BACH2: variants seen among roughly 807,000 people sequenced by gnomAD.
BACH2 encodes transcription regulator protein BACH2.
BACH2 carries 5 observed loss-of-function variants against 61.8 expected under a neutral mutation model. That is an observed-to-expected ratio of 0.08 (90% CI 0.04 to 0.17). The LOEUF is 0.17. Ranked by LOEUF, BACH2 falls within the 10% of genes least tolerant of loss-of-function variation. The pLI is 1.00. For missense variants in BACH2, 824 were observed against 1,091.1 expected (o/e 0.76, Z 3.45); for synonymous variants, 446 against 440.1 (o/e 1.01, Z -0.17).
chr6:89,977,833 A>G (rs551132621), intron 6 of BACH2, among the ~76,000 whole-genome samples: 3 of 152,246 alleles, frequency 2.0e-5, no homozygotes, highest in Non-Finnish European at 4.4e-5. Context: ...GCAAAAAGTC[A>G]TCTTGCTAAA....
intron 6 of BACH2, among the ~76,000 whole-genome samples, chr6:89,982,225 C>T (rs896970600): frequency 6.6e-6 from 1 of 152,110 alleles, no homozygotes; most frequent in Non-Finnish European, 1.5e-5. Context: ...GAGTCTAAAA[C>T]AGTGGGCCTG....
intron 5 of BACH2, among the ~76,000 whole-genome samples, chr6:90,056,198 C>T (rs1350078595): frequency 1.3e-5 from 2 of 152,106 alleles, no homozygotes; most frequent in Non-Finnish European, 1.5e-5. Flanking sequence ...AGAGTCAAGA[C>T]CTATCAGTGT....
chr6:89,955,336 G>C (rs1415989934), intron 6 of BACH2, among the ~76,000 whole-genome samples: 2 of 152,202 alleles, frequency 1.3e-5, no homozygotes, highest in Non-Finnish European at 2.9e-5. Context: ...AGTTAACTAA[G>C]TAACAATGTA....
chr6:90,288,279 T>C (rs1312382872), intron 1 of BACH2, among the ~76,000 whole-genome samples: 1 of 152,072 alleles, frequency 6.6e-6, no homozygotes, highest in Non-Finnish European at 1.5e-5. Flanking sequence ...AAGCTCAACA[T>C]TGTTTGCATA....
chr6:89,998,257 G>C (rs1489280719), intron 6 of BACH2, among the ~76,000 whole-genome samples: 1 of 151,924 alleles, frequency 6.6e-6, no homozygotes, highest in Non-Finnish European at 1.5e-5. Context: ...TCAAAAATGT[G>C]CTCACGTTGG....
chr6:90,128,636 T>C (rs1051658331), intron 4 of BACH2, among the ~76,000 whole-genome samples: 3 of 152,190 alleles, frequency 2.0e-5, no homozygotes, highest in African/African-American at 7.2e-5. Flanking sequence ...AGTTCAACCA[T>C]TGTGGAAGTC....
chr6:90,110,282 G>C (rs1163704540), intron 4 of BACH2, among the ~76,000 whole-genome samples: 1 of 152,182 alleles, frequency 6.6e-6, no homozygotes, highest in Non-Finnish European at 1.5e-5. Flanking sequence ...TTTAAATGTG[G>C]AGTCTGAAAT....
At chr6:90,136,803 C>CA (rs1784284968) in intron 4 of BACH2, among the ~76,000 whole-genome samples, 1 of 149,944 alleles carries the variant, frequency 6.7e-6, no homozygotes, top group Non-Finnish European at 1.5e-5. Context: ...CCAGGCCCTA[C>CA]AATAATGAGC....
chr6:90,243,253 T>C (rs997992005), intron 3 of BACH2, among the ~76,000 whole-genome samples: 2 of 151,310 alleles, frequency 1.3e-5, no homozygotes, highest in Non-Finnish European at 3.0e-5. Context: ...GCAAGGATCG[T>C]CTTTAAAAAT....
chr6:90,101,096 T>C (rs931844081), intron 4 of BACH2, among the ~76,000 whole-genome samples: 4 of 152,244 alleles, frequency 2.6e-5, no homozygotes, highest in African/African-American at 9.6e-5. Flanking sequence ...CTGGGTTGTC[T>C]TTTGAGCATT....
chr6:90,109,965 A>G (rs902114159), intron 4 of BACH2, among the ~76,000 whole-genome samples: 1 of 152,262 alleles, frequency 6.6e-6, no homozygotes, highest in Non-Finnish European at 1.5e-5. Context: ...GAAATACAAT[A>G]AAACATTGTA....
chr6:90,254,092 C>A (rs144773819), intron 2 of BACH2, among the ~76,000 whole-genome samples: 1 of 151,630 alleles, frequency 6.6e-6, no homozygotes, highest in Non-Finnish European at 1.5e-5. Flanking sequence ...TAGCTGAGAA[C>A]TGACATAAAA....
chr6:89,968,883 T>C (rs1030360299), intron 6 of BACH2, among the ~76,000 whole-genome samples: 1 of 152,022 alleles, frequency 6.6e-6, no homozygotes, highest in Non-Finnish European at 1.5e-5. Context: ...TGGTGGCGTA[T>C]GCCTGTAGTC....
chr6:90,028,512 T>C (rs1012429264), intron 5 of BACH2, among the ~76,000 whole-genome samples: 1 of 152,214 alleles, frequency 6.6e-6, no homozygotes, highest in African/African-American at 2.4e-5. Flanking sequence ...AGGGGCAGGA[T>C]CCTGCAGTGG....
intron 6 of BACH2, among the ~76,000 whole-genome samples, chr6:89,967,062 A>C (rs967578475): frequency 3.3e-5 from 5 of 152,154 alleles, no homozygotes; most frequent in Non-Finnish European, 5.9e-5. Flanking sequence ...AATTTCTAAC[A>C]ATGACTGGTT....
At chr6:90,101,739 T>C (rs1486352028) in intron 4 of BACH2, among the ~76,000 whole-genome samples, 1 of 152,234 alleles carries the variant, frequency 6.6e-6, no homozygotes, top group Non-Finnish European at 1.5e-5. Context: ...GTGTTGACTA[T>C]ATAGGTTTGG....
chr6:90,080,786 G>A lies in BACH2; in HGVS notation c.-13+8175C>T, dbSNP rs1455398646. On this transcript the variant is annotated intron_variant, in intron 5 of 8. Transcript: ENST00000257749. ...GTGCCTGCTCATTATCCAGAAACTA[G>A]AGGAAATGTTCTTTCATCGTCTGGT... 1.1e-5 allele frequency: 11 copies of A among 985,170 alleles called. No homozygotes were observed. The African/African-American group carries it at 1.9e-4, about 17-fold the overall frequency. 61.0% of individuals were successfully genotyped at this position (985,170 alleles called of 1,614,324 possible).
chr6:90,125,615 T>C (rs1441452821), intron 4 of BACH2, among the ~76,000 whole-genome samples: 2 of 152,172 alleles, frequency 1.3e-5, no homozygotes, highest in South Asian at 2.1e-4. Context: ...TCAGAACCAA[T>C]GGAAAAAAAT....
chr6:90,186,747 C>G (rs1221140178), intron 4 of BACH2, among the ~76,000 whole-genome samples: 1 of 152,106 alleles, frequency 6.6e-6, no homozygotes, highest in Non-Finnish European at 1.5e-5. Flanking sequence ...AAGTGCTTCA[C>G]TTGCATGATG....
Sources: allele counts gnomAD v4.1 joint callset (sites outside exome capture counted in the v4.1 genomes callset), GRCh38; gene constraint gnomAD v4.1.1; transcripts MANE v1.5; gene names NCBI Gene and HGNC (gene_info 2026-07-23, HGNC 2026-07-21).